ATXN7L1: variants seen among roughly 807,000 people sequenced by gnomAD.
ATXN7L1 encodes ataxin 7 like 1.
A neutral mutation model predicts 70.8 loss-of-function variants in ATXN7L1; 15 were observed. That is an observed-to-expected ratio of 0.21 (90% CI 0.14 to 0.33). The LOEUF is 0.33. Ranked by LOEUF, ATXN7L1 falls within the 10% of genes least tolerant of loss-of-function variation. The pLI is 1.00. For synonymous variants in ATXN7L1, 440 were observed against 445.1 expected, an observed-to-expected ratio of 0.99 and a Z score of 0.14; for missense variants, 975 against 1,097.1, an observed-to-expected ratio of 0.89 and a Z score of 1.57.
intron 2 of ATXN7L1, among the ~76,000 whole-genome samples, chr7:105,833,102 C>T (rs1255351699): frequency 6.6e-6 from 1 of 152,202 alleles, no homozygotes; most frequent in Non-Finnish European, 1.5e-5. Context: ...CCTGCAAAGC[C>T]CTGTATGGCT....
intron 2 of ATXN7L1, among the ~76,000 whole-genome samples, chr7:105,859,579 C>T (rs916976268): frequency 8.6e-5 from 13 of 152,036 alleles, no homozygotes; most frequent in African/African-American, 3.1e-4. Context: ...CAATTACCTA[C>T]AGTATTCAGT....
intron 2 of ATXN7L1, among the ~76,000 whole-genome samples, chr7:105,835,017 T>C (rs889011386): frequency 1.3e-5 from 2 of 151,952 alleles, no homozygotes; most frequent in African/African-American, 4.8e-5. Context: ...GGAATCCTCT[T>C]GACCCTTAAA....
intron 3 of ATXN7L1, among the ~76,000 whole-genome samples, chr7:105,750,132 T>C (rs955533085): frequency 4.0e-5 from 6 of 151,834 alleles, no homozygotes; most frequent in Non-Finnish European, 8.8e-5. Flanking sequence ...AGAAAGAAGC[T>C]GAGACTGAAA....
chr7:105,829,382 G>A (rs529109699), intron 2 of ATXN7L1, among the ~76,000 whole-genome samples: 1 of 152,342 alleles, frequency 6.6e-6, no homozygotes, highest in Non-Finnish European at 1.5e-5. Flanking sequence ...AGTGGAGGTT[G>A]CAATGAGCCG....
chr7:105,613,146 G>C (rs1326002513), intron 10 of ATXN7L1, among the ~76,000 whole-genome samples: 2 of 152,218 alleles, frequency 1.3e-5, no homozygotes, highest in Non-Finnish European at 2.9e-5. Flanking sequence ...TAGACTCAGG[G>C]ATGAGAACAG....
At chr7:105,734,300 AC>A (rs930919120) in intron 3 of ATXN7L1, among the ~76,000 whole-genome samples, 1 of 152,208 alleles carries the variant, frequency 6.6e-6, no homozygotes, top group African/African-American at 2.4e-5. Flanking sequence ...AAATGCTAAA[AC>A]CGAAACCAAA....
chr7:105,636,562 AT>A (rs1458005824), intron 7 of ATXN7L1, among the ~76,000 whole-genome samples: 3 of 151,714 alleles, frequency 2.0e-5, no homozygotes, highest in African/African-American at 7.3e-5. Context: ...ATAGATGAAC[AT>A]TCCCCTGAAA....
chr7:105,827,885 A>G (rs934184208), intron 2 of ATXN7L1, among the ~76,000 whole-genome samples: 2 of 152,174 alleles, frequency 1.3e-5, no homozygotes, highest in African/African-American at 4.8e-5. Flanking sequence ...AAACACTAAT[A>G]TTTCTGCAGT....
At chr7:105,692,360 A>AATTT (rs1207353133) in intron 3 of ATXN7L1, among the ~76,000 whole-genome samples, 9 of 126,200 alleles carry the variant, frequency 7.1e-5, no homozygotes, top group Admixed American at 4.1e-4. Flanking sequence ...ATGCTGGATG[A>AATTT]ATTTCTTTCT....
At chr7:105,769,958 C>A (rs1262139813) in intron 3 of ATXN7L1, among the ~76,000 whole-genome samples, 1 of 152,212 alleles carries the variant, frequency 6.6e-6, no homozygotes, top group African/African-American at 2.4e-5. Flanking sequence ...TCCCTAACAG[C>A]TCGTGGCATT....
At chr7:105,810,213 T>C (rs192734607) in intron 2 of ATXN7L1, among the ~76,000 whole-genome samples, 65 of 149,540 alleles carry the variant, frequency 4.3e-4, no homozygotes, top group Middle Eastern at 8.0e-3. Flanking sequence ...CGAGATGTGG[T>C]GTTGGAGAGA....
chr7:105,705,780 G>C (rs901311505), intron 3 of ATXN7L1, among the ~76,000 whole-genome samples: 3 of 152,160 alleles, frequency 2.0e-5, no homozygotes, highest in African/African-American at 7.2e-5. Context: ...TCAAACATTA[G>C]CGCATTTGGG....
intron 3 of ATXN7L1, among the ~76,000 whole-genome samples, chr7:105,732,845 C>A (rs1280542935): frequency 6.6e-6 from 1 of 152,206 alleles, no homozygotes; most frequent in African/African-American, 2.4e-5. Flanking sequence ...TCAAACCCAC[C>A]AAGCATGTTC....
At chr7:105,631,382 T>A (rs1796575490) in intron 7 of ATXN7L1, among the ~76,000 whole-genome samples, 1 of 152,174 alleles carries the variant, frequency 6.6e-6, no homozygotes, top group African/African-American at 2.4e-5. Flanking sequence ...AAGGTCTTAA[T>A]ACATGGCAAG....
In ATXN7L1 at chr7:105,614,760, G is replaced by C; in HGVS notation, c.1574C>G (p.Thr525Ser). Reference sequence around the variant, plus strand: ...CTGCAAAACGGATGCTGGAACGGGGGTGGTGATGTGGGCTGCTGGCGAGGG... The same window carrying C: ...CTGCAAAACGGATGCTGGAACGGGGCTGGTGATGTGGGCTGCTGGCGAGGG... ...PLPSPAAHIT[T>S]PVPASVLQPF... The change falls in exon 10 of 12, where the codon ACC (threonine) becomes AGC (serine). Residue 525 changes from threonine to serine, a missense_variant. By Grantham distance (58) the Thr-to-Ser change is moderately conservative. This residue lies in a region of ATXN7L1 where 635 missense variants were observed against 699.4 expected (regional missense o/e 0.91). Coordinates refer to ENST00000419735, the MANE Select transcript of ATXN7L1 (RefSeq NM_020725.2). This position sits in a 1 kb window ranked among gnomAD's most constrained non-coding sequence, Gnocchi z 4.3. 3 of 1,551,774 alleles carry C rather than the reference G, an allele frequency of 1.9e-6. No individual in the cohort carries two copies. Among genetic ancestry groups the C allele is most frequent in the Non-Finnish European group, 2.6e-6 (3 of 1,147,004 alleles).
chr7:105,714,693 C>T (rs948849474), intron 3 of ATXN7L1, among the ~76,000 whole-genome samples: 3 of 152,070 alleles, frequency 2.0e-5, no homozygotes, highest in African/African-American at 4.8e-5. Flanking sequence ...GAGACAGTCT[C>T]GCTCTGTCGC....
intron 3 of ATXN7L1, among the ~76,000 whole-genome samples, chr7:105,673,744 T>C (rs910340905): frequency 1.3e-5 from 2 of 152,198 alleles, no homozygotes; most frequent in African/African-American, 4.8e-5. Flanking sequence ...GAGGTAACGA[T>C]TCCCCCCAGC....
At chr7:105,643,215 C>T in intron 4 of ATXN7L1, 94 bp from the exon 5 acceptor site, 3 of 1,335,542 alleles carry the variant, frequency 2.2e-6, no homozygotes, top group South Asian at 3.1e-5. Context: ...CAGAACATTT[C>T]CTTATCACTT....
chr7:105,737,998 G>A (rs655399), intron 3 of ATXN7L1, among the ~76,000 whole-genome samples: 66,955 of 152,056 alleles, frequency 0.44, 16,683 homozygotes, highest in African/African-American at 0.67. Flanking sequence ...GACAATGAGA[G>A]GCCCACACCA....
Sources: gnomAD v4.1 joint callset for allele counts (sites outside exome capture counted in the v4.1 genomes callset) on GRCh38, gnomAD v4.1.1 for gene constraint, gnomAD v4.1.1 regional missense constraint, Gnocchi (gnomAD v3.1) non-coding constraint, MANE v1.5 for transcripts, NCBI Gene and HGNC (gene_info 2026-07-23, HGNC 2026-07-21) for gene names.